ARMC9: variants seen among roughly 807,000 people sequenced by gnomAD.
ARMC9 encodes lisH domain-containing protein ARMC9.
ARMC9 carries 94 observed loss-of-function variants against 107.0 expected under a neutral mutation model. The ratio of observed to expected loss-of-function variants is 0.88; its 90% CI spans 0.74 to 1.04. The LOEUF is 1.04. Among genes scored for constraint, ARMC9 ranks in the 50% least tolerant of loss-of-function variants. ARMC9 has a pLI of 0.00. For synonymous variants in ARMC9, 380 were observed against 396.9 expected, an observed-to-expected ratio of 0.96 and a Z score of 0.51; for missense variants, 942 against 1,030.1, an observed-to-expected ratio of 0.91 and a Z score of 1.17.
chr2:231,215,208 G>A, intron 4 of ARMC9: 1 of 559,472 alleles, frequency 1.8e-6, no homozygotes, highest in African/African-American at 1.9e-5. Flanking sequence ...AATAATTTCT[G>A]TAATCAAAGC....
chr2:231,250,426 A>C (rs542028747), intron 9 of ARMC9, among the ~76,000 whole-genome samples: 1 of 152,206 alleles, frequency 6.6e-6, no homozygotes, highest in Non-Finnish European at 1.5e-5. Flanking sequence ...CATATCCCCT[A>C]TGGGCAAAAC....
Position 231,358,259 on chromosome 2 carries a change from A to G in ARMC9, c.2131+2325A>G, listed in dbSNP as rs140541876. 1.5e-3 allele frequency among the ~76,000 whole-genome samples: 227 copies of G among 152,238 alleles called. No homozygotes were observed. The highest frequency in any genetic ancestry group is 5.0e-3 in the African/African-American group (206 of 41,534). ...GGCTGGGCATGGGCACCCCTGAGCC[A>G]TGTTGCCTTCTGCTTCATTCCTTCC... On this transcript the variant is annotated intron_variant, in intron 22 of 24. Transcript: ENST00000611582. This position sits in a 1 kb window ranked among gnomAD's most constrained non-coding sequence, Gnocchi z 4.5.
chr2:231,310,267 A>G (rs2042262906), intron 19 of ARMC9, among the ~76,000 whole-genome samples: 1 of 146,014 alleles, frequency 6.8e-6, no homozygotes, highest in Non-Finnish European at 1.5e-5. Flanking sequence ...CTACAAAATT[A>G]GGCAGGCATG....
At chr2:231,366,597 C>T (rs2045825213) in intron 23 of ARMC9, among the ~76,000 whole-genome samples, 2 of 151,972 alleles carry the variant, frequency 1.3e-5, no homozygotes, top group African/African-American at 4.8e-5. Flanking sequence ...AATCCCAGCA[C>T]TTTGGGAGGC....
intron 5 of ARMC9, among the ~76,000 whole-genome samples, chr2:231,221,076 G>A (rs950914522): frequency 6.6e-6 from 1 of 152,192 alleles, no homozygotes; most frequent in African/African-American, 2.4e-5. Context: ...AAGACAGCAG[G>A]CATTCGTTGT....
chr2:231,370,208 C>T (rs1013935320), intron 24 of ARMC9, 83 bp downstream of exon 24: 2 of 1,394,972 alleles, frequency 1.4e-6, no homozygotes, highest in South Asian at 1.5e-5. Flanking sequence ...CTATATTTGG[C>T]CCCGTGCTCC....
At position 231,235,497 on chromosome 2, in the gene ARMC9, G is replaced by A. The variant is rs1327847161; in HGVS notation, c.780+116G>A. 2.3e-5 allele frequency: 29 copies of A among 1,253,396 alleles called. 1 individual carries two copies. The highest frequency in any genetic ancestry group is 1.0e-4 in the East Asian group (4 of 40,042). 77.6% of individuals were successfully genotyped at this position (1,253,396 alleles called of 1,614,324 possible). On this transcript the variant is annotated intron_variant, in intron 8 of 24. Coordinates refer to ENST00000611582, the MANE Select transcript of ARMC9 (RefSeq NM_001352754.2). ...CCTCTCTCCATTCCAAGCCAGTGGC[G>A]CCTGCTGCTCTATTTCCAAAAGCCA...
At chr2:231,215,909 T>C (rs2033448382) in intron 4 of ARMC9, among the ~76,000 whole-genome samples, 3 of 152,008 alleles carry the variant, frequency 2.0e-5, no homozygotes. Flanking sequence ...AGTCTGGGGG[T>C]CAAAAGAGGG....
In ARMC9 at chr2:231,344,974, G is replaced by T; in HGVS notation, c.1879-1G>T. The T allele has an allele frequency of 6.2e-7, 1 of 1,613,834 alleles. No individual in the cohort carries two copies. The highest frequency in any genetic ancestry group is 8.5e-7 in the Non-Finnish European group (1 of 1,179,966). On this transcript the variant is annotated splice_acceptor_variant, in intron 20 of 24. Transcript: ENST00000611582. LOFTEE classifies it high-confidence loss of function. ...CCCTTTTTTCTCTTTCCTTCCACCA[G>T]ATCATGACCAACACGGGGAAGACAA...
chr2:231,315,029 A>G (rs1458814918), intron 19 of ARMC9, among the ~76,000 whole-genome samples: 1 of 152,136 alleles, frequency 6.6e-6, no homozygotes, highest in Non-Finnish European at 1.5e-5. Context: ...TCATGAGGTC[A>G]GGAGTTCAAG....
chr2:231,350,946 C>CTTTTTTTTTTTTTTT (rs770225857), intron 21 of ARMC9, among the ~76,000 whole-genome samples: 6 of 50,598 alleles, frequency 1.2e-4, no homozygotes, highest in African/African-American at 5.0e-4. Context: ...AGTGACAATT[C>CTTTTTTTTTTTTTTT]TTTTTTTTTT....
Position 231,362,134 on chromosome 2 carries a change from C to T in ARMC9, c.2261+1251C>T, listed in dbSNP as rs1158312161. Among the ~76,000 whole-genome samples the T allele has an allele frequency of 6.6e-6, 1 of 152,160 alleles. No individual in the cohort carries two copies. Among genetic ancestry groups the T allele is most frequent in the Non-Finnish European group, 1.5e-5 (1 of 68,018 alleles). On this transcript the variant is annotated intron_variant, in intron 23 of 24. Coordinates refer to ENST00000611582, the MANE Select transcript of ARMC9 (RefSeq NM_001352754.2). The surrounding 1 kb of genome is among the most constrained non-coding windows in gnomAD (Gnocchi z 4.7). ...GGACTCCTCCAGTTCCACTGCCAAC[C>T]TGCCTGGGGACCCAGGGACCTACCT...
intron 9 of ARMC9, among the ~76,000 whole-genome samples, chr2:231,249,818 T>A (rs1381846245): frequency 1.3e-5 from 2 of 150,196 alleles, no homozygotes; most frequent in Non-Finnish European, 3.0e-5. Context: ...CGTGCACACC[T>A]CCACGGGAGG....
chr2:231,316,673 AAAAG>A (rs1439818602), intron 19 of ARMC9, among the ~76,000 whole-genome samples: 3 of 151,874 alleles, frequency 2.0e-5, no homozygotes, highest in Admixed American at 6.6e-5. Flanking sequence ...TCAAAAAAAA[AAAAG>A]AAAGAAAAAA....
chr2:231,216,460 C>T (rs1574622646), intron 4 of ARMC9, among the ~76,000 whole-genome samples, 178 bp from the exon 5 acceptor site: 1 of 152,214 alleles, frequency 6.6e-6, no homozygotes, highest in Non-Finnish European at 1.5e-5. Flanking sequence ...GACATAGTCT[C>T]ATTAAGGGGG....
intron 20 of ARMC9, 67 bp downstream of exon 20, chr2:231,331,964 G>A: frequency 7.5e-7 from 1 of 1,330,354 alleles, no homozygotes; most frequent in Non-Finnish European, 1.1e-6. Context: ...TGGATTTCGT[G>A]TTTTCAGTGA....
intron 21 of ARMC9, among the ~76,000 whole-genome samples, chr2:231,353,980 TACACACACACACACAC>T (rs35433958): frequency 0.043 from 5,861 of 135,352 alleles, 361 homozygotes; most frequent in African/African-American, 0.17. Context: ...TATGTATATA[TACACACACACACACAC>T]ACACACACAC....
At chr2:231,339,331 GAA>G (rs60261237) in intron 20 of ARMC9, among the ~76,000 whole-genome samples, 2 of 132,392 alleles carry the variant, frequency 1.5e-5, no homozygotes, top group African/African-American at 5.5e-5. Context: ...TCTGTCTTGT[GAA>G]AAAAAAAAAA....
intron 19 of ARMC9, among the ~76,000 whole-genome samples, chr2:231,328,184 T>C (rs2043462758): frequency 6.6e-6 from 1 of 152,218 alleles, no homozygotes; most frequent in African/African-American, 2.4e-5. Flanking sequence ...CATGTGCTTA[T>C]TGCCATCTGT....
Sources: gnomAD v4.1 joint callset for allele counts (sites outside exome capture counted in the v4.1 genomes callset) on GRCh38, gnomAD v4.1.1 for gene constraint, Gnocchi (gnomAD v3.1) non-coding constraint, MANE v1.5 for transcripts, NCBI Gene and HGNC (gene_info 2026-07-23, HGNC 2026-07-21) for gene names.